Variants in GLI1 observed in about 807,000 individuals in gnomAD.
The protein encoded by GLI1 is GLI family zinc finger 1.
Under a neutral mutation model 87.8 loss-of-function variants are expected in GLI1, and 51 were observed. That is an observed-to-expected ratio of 0.58 (90% CI 0.46 to 0.73). GLI1 has a LOEUF of 0.73. Ranked by LOEUF, GLI1 falls within the 30% of genes least tolerant of loss-of-function variation. The probability of loss-of-function intolerance (pLI) is 0.00; values close to 1 mark genes in which losing one functional copy is unlikely to be tolerated. For synonymous variants in GLI1, 528 were observed against 558.2 expected (o/e 0.95, Z 0.76); for missense variants, 1,292 against 1,437.2 (o/e 0.90, Z 1.63).
At position 57,471,741 on chromosome 12, in the gene GLI1, C is replaced by A. The variant is rs1470547300; in HGVS notation, c.3001C>A (p.Pro1001Thr). 6.4e-7 allele frequency: 1 copy of A among 1,571,690 alleles called. No individual in the cohort carries two copies. Among genetic ancestry groups the A allele is most frequent in the East Asian group, 2.2e-5 (1 of 44,616 alleles). ...GCCCCCATTGCCCACTTGCTATGGG[C>A]CTCTCAAAGTGGGAGGCACAAACCC... ...LLPPLPTCYG[P>T]LKVGGTNPSC... Residue 1001 changes from proline (P) to threonine (T), a missense_variant, in exon 12 of 12, where the codon CCT becomes ACT. Pro to Thr is a conservative substitution (Grantham distance 38, BLOSUM62 -1). Coordinates refer to ENST00000228682, the MANE Select transcript of GLI1 (RefSeq NM_005269.3). The surrounding 1 kb of genome is among the most constrained non-coding windows in gnomAD (Gnocchi z 4.9).
At chr12:57,467,191 G>A in intron 8 of GLI1, 142 bp from the exon 9 acceptor site, 3 of 623,122 alleles carry the variant, frequency 4.8e-6, no homozygotes, top group East Asian at 2.9e-5. Flanking sequence ...TTGTCCCCTA[G>A]TTTTGGGAAT....
At chr12:57,468,754 A>G (rs1266156716) in intron 10 of GLI1, among the ~76,000 whole-genome samples, 3 of 146,152 alleles carry the variant, frequency 2.1e-5, no homozygotes, top group Admixed American at 6.8e-5. Context: ...CATCCAACCC[A>G]AACTCTTTCT....
Position 57,463,709 on chromosome 12 carries a change from C to T in GLI1, c.18C>T (p.Thr6=). 1 of 1,611,932 alleles carries T rather than the reference C, an allele frequency of 6.2e-7. No homozygotes were observed. The change falls in exon 2 of 12, where the codon ACC becomes ACT. Residue 6 remains threonine, a synonymous_variant. Transcript: ENST00000228682. MFNSM[T]PPPISSYGEP... The stretch of plus-strand genomic sequence containing the variant: ...GAGACGCCATGTTCAACTCGATGAC[C>T]CCACCACCAATCAGTAGCTATGGCG...
In GLI1 at chr12:57,470,612, C is replaced by T. The variant is rs758285802; in HGVS notation, c.1872C>T (p.Ala624=). Residue 624 remains alanine, a synonymous_variant, in exon 12 of 12, where the codon GCC becomes GCT. Transcript: ENST00000228682. ...CCATGCCTCCTTGGAGAAGCCGAGCCGAGTATCCAGGATACAACCCCAATG... is the reference window on the plus strand; with the variant it reads ...CCATGCCTCCTTGGAGAAGCCGAGCTGAGTATCCAGGATACAACCCCAATG... ...GLPMPPWRSR[A]EYPGYNPNAG... is the part of the protein sequence containing the mutation. 7 of 1,613,928 alleles carry T rather than the reference C, an allele frequency of 4.3e-6. No homozygotes were observed. Among genetic ancestry groups the T allele is most frequent in the East Asian group, 4.5e-5 (2 of 44,888 alleles).
intron 1 of GLI1, among the ~76,000 whole-genome samples, chr12:57,461,073 TC>T (rs1383797073): frequency 6.6e-6 from 1 of 151,940 alleles, no homozygotes; most frequent in East Asian, 2.0e-4. Context: ...CTGCCCTTGC[TC>T]CCCGCTCTGA....
chr12:57,469,398 G>C (rs1379069455), intron 10 of GLI1, 33 bp from the exon 11 acceptor site: 1 of 1,604,338 alleles, frequency 6.2e-7, no homozygotes. Context: ...CTGTGGGGAA[G>C]GGTGTTGCCC....
rs1430318516 is a variant in GLI1 at position 57,470,956 on chromosome 12, C to G, written c.2216C>G (p.Ala739Gly). 3 of 1,613,964 alleles carry G rather than the reference C, an allele frequency of 1.9e-6. No homozygotes were observed. The highest frequency in any genetic ancestry group is 2.2e-5 in the East Asian group (1 of 44,886). Residue 739 changes from alanine (A) to glycine (G), a missense_variant, in exon 12 of 12, where the codon GCA becomes GGA. By Grantham distance (60) the Ala-to-Gly change is moderately conservative (BLOSUM62 0). Coordinates refer to ENST00000228682, the MANE Select transcript of GLI1 (RefSeq NM_005269.3). ...TLGYGGPEGA[A>G]AEPYGARGPG... is the part of the protein sequence containing the mutation. ...GGATATGGGGGACCTGAAGGGGCAG[C>G]AGCTGAGCCTTATGGAGCGAGGGGT...
Position 57,471,873 on chromosome 12 carries a change from A to G in GLI1, c.3133A>G (p.Thr1045Ala). ...CCTGGACTCTCTTGATCTTGACAAC[A>G]CTCAGCTGGACTTTGTGGCTATTCT... ...NPLDSLDLDN[T>A]QLDFVAILDE... The change falls in exon 12 of 12, where the codon ACT becomes GCT. Residue 1045 changes from threonine (T) to alanine (A), a missense_variant. Around this residue, in one of 3 missense-constraint regions of GLI1, gnomAD observed 897 missense variants for 1,040.7 expected, o/e 0.86. Coordinates refer to ENST00000228682, the MANE Select transcript of GLI1 (RefSeq NM_005269.3). The surrounding 1 kb of genome is among the most constrained non-coding windows in gnomAD (Gnocchi z 4.9). 1 of 1,593,830 alleles carries G rather than the reference A, an allele frequency of 6.3e-7. No homozygotes were observed. Among genetic ancestry groups the G allele is most frequent in the Non-Finnish European group, 8.5e-7 (1 of 1,171,422 alleles).
chr12:57,471,471 G>A lies in GLI1; in HGVS notation c.2731G>A (p.Glu911Lys). Residue 911 changes from glutamate (E) to lysine (K), a missense_variant, in exon 12 of 12, where the codon GAG (glutamate) becomes AAG (lysine). By Grantham distance (56) the Glu-to-Lys change is moderately conservative. This residue lies in a region of GLI1 where 897 missense variants were observed against 1,040.7 expected (regional missense o/e 0.86). Coordinates refer to ENST00000228682, the MANE Select transcript of GLI1 (RefSeq NM_005269.3). This position sits in a 1 kb window ranked among gnomAD's most constrained non-coding sequence, Gnocchi z 4.9. ...YVQSQQELLWEGGGREDAPAQ... is the reference protein window; with the variant it reads ...YVQSQQELLWKGGGREDAPAQ... ...TCAATCTCAACAGGAGCTACTGTGG[G>A]AGGGTGGGGGCAGGGAAGATGCCCC... is the stretch of plus-strand genomic sequence containing the variant. The A allele has an allele frequency of 6.2e-7, 1 of 1,612,672 alleles. No individual in the cohort carries two copies. Among genetic ancestry groups the A allele is most frequent in the South Asian group, 1.1e-5 (1 of 91,006 alleles).
intron 5 of GLI1, 131 bp downstream of exon 5, chr12:57,465,386 T>G (rs2139853742): frequency 1.1e-6 from 1 of 874,650 alleles, no homozygotes; most frequent in Non-Finnish European, 1.8e-6. Flanking sequence ...GAGGTGTGGG[T>G]GCTGGGGTTC....
chr12:57,465,954 T>A (rs1252447246), intron 7 of GLI1, 29 bp downstream of exon 7: 2 of 1,604,152 alleles, frequency 1.2e-6, no homozygotes, highest in Non-Finnish European at 1.7e-6. Context: ...CAGGAATGGC[T>A]AGCCAGAACC....
chr12:57,463,924 A>C (rs780814402), intron 2 of GLI1, 75 bp from the exon 3 acceptor site: 2 of 1,207,724 alleles, frequency 1.7e-6, no homozygotes, highest in Non-Finnish European at 1.2e-6. Flanking sequence ...GGAATCTGGG[A>C]TCAGGTCATG....
chr12:57,467,069 TC>T (rs1871538607), intron 8 of GLI1, among the ~76,000 whole-genome samples: 1 of 152,048 alleles, frequency 6.6e-6, no homozygotes, highest in Admixed American at 6.6e-5. Context: ...CAGCCTAAGA[TC>T]CCCATGCAGA....
At position 57,470,539 on chromosome 12, in the gene GLI1, G is replaced by T. The variant is rs1199397071; in HGVS notation, c.1799G>T (p.Gly600Val). The T allele has an allele frequency of 1.9e-6, 3 of 1,613,914 alleles. No homozygotes were observed. Among genetic ancestry groups the T allele is most frequent in the Non-Finnish European group, 2.5e-6 (3 of 1,179,972 alleles). ...AGATATGCTTCAGCCAGAGGGGGTG[G>T]TACTTCGCCCACTGCAGCATCCAGC... ...RARYASARGG[G>V]TSPTAASSLD... is the part of the protein sequence containing the mutation. The change falls in exon 12 of 12, where the codon GGT becomes GTT. Residue 600 changes from glycine to valine, a missense_variant. By Grantham distance (109) the Gly-to-Val change is moderately radical. Around this residue, in one of 3 missense-constraint regions of GLI1, gnomAD observed 897 missense variants for 1,040.7 expected, o/e 0.86. Transcript: ENST00000228682.
Position 57,469,673 on chromosome 12 carries a change from C to G in GLI1, c.1551C>G (p.Leu517=). The G allele has an allele frequency of 6.2e-7, 1 of 1,613,778 alleles. No individual in the cohort carries two copies. Among genetic ancestry groups the G allele is most frequent in the South Asian group, 1.1e-5 (1 of 91,076 alleles). Residue 517 remains leucine (L), a synonymous_variant, in exon 11 of 12, where the codon CTC becomes CTG. Coordinates refer to ENST00000228682, the MANE Select transcript of GLI1 (RefSeq NM_005269.3). The part of the protein sequence containing the change: ...HQLRPIGTRG[L]KLPSLSHTGT... ...TCCGGCCAATAGGGACCCGGGGTCT[C>G]AAACTGCCCAGCTTGTCCCACACCG...
In GLI1 at chr12:57,470,767, T is replaced by G. The variant is rs200775132; in HGVS notation, c.2027T>G (p.Phe676Cys). The stretch of plus-strand genomic sequence containing the variant: ...ACTGTGGCAGGGGGAGGACAGAACT[T>G]TGATCCTTACCTCCCAACCTCTGTC... ...PPTVAGGGQNFDPYLPTSVYS... is the reference protein window; with the variant it reads ...PPTVAGGGQNCDPYLPTSVYS... Residue 676 changes from phenylalanine to cysteine, a missense_variant, in exon 12 of 12, where the codon TTT (phenylalanine) becomes TGT (cysteine). Physicochemically the swap from Phe to Cys is radical, Grantham distance 205. Around this residue, in one of 3 missense-constraint regions of GLI1, gnomAD observed 897 missense variants for 1,040.7 expected, o/e 0.86. Transcript: ENST00000228682. 1 of 1,613,298 alleles carries G rather than the reference T, an allele frequency of 6.2e-7. No individual in the cohort carries two copies. Among genetic ancestry groups the G allele is most frequent in the East Asian group, 2.2e-5 (1 of 44,874 alleles).
chr12:57,464,440 TGAACCTGG>T (rs1375153408), intron 3 of GLI1, among the ~76,000 whole-genome samples: 3 of 151,526 alleles, frequency 2.0e-5, no homozygotes, highest in Admixed American at 2.0e-4. Flanking sequence ...GAGAATCACT[TGAACCTGG>T]GAACGCAGAG....
chr12:57,467,380 G>T lies in GLI1; in HGVS notation c.960G>T (p.Thr320=), dbSNP rs1275825411. The change falls in exon 9 of 12, where the codon ACG becomes ACT. Residue 320 remains threonine, a synonymous_variant. Coordinates refer to ENST00000228682, the MANE Select transcript of GLI1 (RefSeq NM_005269.3). The part of the protein sequence containing the change: ...KSYSRLENLK[T]HLRSHTGEKP... ...ACTCACGCCTCGAAAACCTGAAGAC[G>T]CACCTGCGGTCACACACGGGTGAGA... 1 of 1,611,986 alleles carries T rather than the reference G, an allele frequency of 6.2e-7. No homozygotes were observed. Among genetic ancestry groups the T allele is most frequent in the African/African-American group, 1.3e-5 (1 of 74,862 alleles).
At chr12:57,463,492 GGC>G (rs1186792239) in intron 1 of GLI1, among the ~76,000 whole-genome samples, 171 bp from the exon 2 acceptor site, 5 of 152,222 alleles carry the variant, frequency 3.3e-5, no homozygotes, top group Admixed American at 1.3e-4. Context: ...TGGAATTACA[GGC>G]GTGAGCCACT....
Sources: gnomAD v4.1 joint callset for allele counts (sites outside exome capture counted in the v4.1 genomes callset) on GRCh38, gnomAD v4.1.1 for gene constraint, gnomAD v4.1.1 regional missense constraint, Gnocchi (gnomAD v3.1) non-coding constraint, MANE v1.5 for transcripts, NCBI Gene and HGNC (gene_info 2026-07-23, HGNC 2026-07-21) for gene names.